The following MINAR2 variants were observed in gnomAD, a reference collection of about 807,000 sequenced individuals.
The protein encoded by MINAR2 is major intrinsically disordered NOTCH2-binding receptor 1-like.
Under a neutral mutation model 16.1 loss-of-function variants are expected in MINAR2, and 21 were observed. That is an observed-to-expected ratio of 1.31 (90% confidence interval 0.93 to 1.88). The LOEUF (loss-of-function observed/expected upper bound fraction) is 1.88, where lower values mean the gene tolerates loss of function less well. MINAR2 is among the 40% of genes most tolerant of loss of function. The pLI, the probability that MINAR2 is intolerant of heterozygous loss-of-function variation, is 0.00. For synonymous variants in MINAR2, 86 were observed against 83.0 expected, an observed-to-expected ratio of 1.04 and a Z score of -0.20; for missense variants, 259 against 229.8, an observed-to-expected ratio of 1.13 and a Z score of -0.82.
At chr5:129,756,934 T>TAAAAAAAAAA (rs34547893) in intron 1 of MINAR2, among the ~76,000 whole-genome samples, 1 of 73,968 alleles carries the variant, frequency 1.4e-5, no homozygotes, top group African/African-American at 5.1e-5. Flanking sequence ...CTTTCCACAG[T>TAAAAAAAAAA]AAAAAAAAAA....
At position 129,761,572 on chromosome 5, in the gene MINAR2, C is replaced by T. The variant is rs1352228518; in HGVS notation, c.393+967C>T. Among the ~76,000 whole-genome samples, 3 of 152,268 alleles carry T rather than the reference C, an allele frequency of 2.0e-5. No homozygotes were observed. In the South Asian group the frequency reaches 6.2e-4, roughly 32 times the overall value. On this transcript the variant is annotated intron_variant, in intron 2 of 2. Transcript: ENST00000564719. ...CTTAGTAGATTGAATGTATCTCCTC[C>T]TTTACGTAGCCCATTTTCCAGAGAA... is the stretch of plus-strand genomic sequence containing the variant.
chr5:129,762,716 A>T (rs1053406937), intron 2 of MINAR2: 1 of 236,512 alleles, frequency 4.2e-6, no homozygotes, highest in African/African-American at 2.3e-5. Context: ...TTTATACAAT[A>T]AAAAGAAGTT....
intron 2 of MINAR2, 72 bp downstream of exon 2, chr5:129,760,677 T>A: frequency 8.4e-7 from 1 of 1,192,934 alleles, no homozygotes. Context: ...AAGAAAGCAA[T>A]ATTGAAGTGA....
chr5:129,748,141 A>G lies in MINAR2; in HGVS notation c.-50A>G. 1 of 1,508,788 alleles carries G rather than the reference A, an allele frequency of 6.6e-7. No homozygotes were observed. Among genetic ancestry groups the G allele is most frequent in the Non-Finnish European group, 8.9e-7 (1 of 1,127,642 alleles). 93.5% of individuals were successfully genotyped at this position (1,508,788 alleles called of 1,614,324 possible). A position where few individuals can be genotyped will look rare whatever the true frequency, so the allele number is the denominator to read the frequency against. Reference sequence around the variant, plus strand: ...GGCACATTAATAATGGAGGAGTCTGACAAGAGCAGCTTTGCCTGTCTTTGT... The same window carrying G: ...GGCACATTAATAATGGAGGAGTCTGGCAAGAGCAGCTTTGCCTGTCTTTGT... On this transcript the variant is annotated 5_prime_UTR_variant, in exon 1 of 3. Transcript: ENST00000564719.
In MINAR2 at chr5:129,756,957, A is replaced by AACAC. The variant is rs57392261; in HGVS notation, c.166-3411_166-3408dup. Among the ~76,000 whole-genome samples, 301 of 132,558 alleles carry AACAC rather than the reference A, an allele frequency of 2.3e-3. 11 individuals are homozygous for AACAC. The highest frequency in any genetic ancestry group is 9.0e-3 in the East Asian group (37 of 4,092). The allele number at this position is 132,558 out of a possible 152,430, so 87.0% of individuals were successfully genotyped here. On this transcript the variant is annotated intron_variant, in intron 1 of 2. Coordinates refer to ENST00000564719, the MANE Select transcript of MINAR2 (RefSeq NM_001257308.2). The stretch of plus-strand genomic sequence containing the variant: ...AGTAAAAAAAAAAAAAAAAAAAAAA[A>AACAC]ACACACACACACAAACATATATGTA...
At position 129,748,341 on chromosome 5, in the gene MINAR2, C is replaced by T. The variant is rs1170184749; in HGVS notation, c.151C>T (p.Leu51Phe). 1.3e-6 allele frequency: 2 copies of T among 1,534,940 alleles called. No individual in the cohort carries two copies. Among genetic ancestry groups the T allele is most frequent in the Non-Finnish European group, 1.7e-6 (2 of 1,146,446 alleles). Residue 51 changes from leucine (L) to phenylalanine (F), a missense_variant, in exon 1 of 3, where the codon CTT becomes TTT. Leu to Phe is a conservative substitution (Grantham distance 22). Transcript: ENST00000564719. Reference protein sequence around the residue: ...NYPAAQHWQNLVYSQREKKNI... With the variant: ...NYPAAQHWQNFVYSQREKKNI... ...TCCTGCTGCACAACACTGGCAAAAC[C>T]TTGTCTACTCACAGGTAAGATCTAG...
At chr5:129,749,783 A>G (rs1026916630) in intron 1 of MINAR2, among the ~76,000 whole-genome samples, 4 of 152,132 alleles carry the variant, frequency 2.6e-5, no homozygotes, top group African/African-American at 9.7e-5. Context: ...AAGTTGACCT[A>G]TTTCCTTCAT....
At position 129,748,360 on chromosome 5, in the gene MINAR2, G is replaced by A. The variant is rs1338803841; in HGVS notation, c.165+5G>A. 1 of 1,531,116 alleles carries A rather than the reference G, an allele frequency of 6.5e-7. No individual in the cohort carries two copies. The highest frequency in any genetic ancestry group is 1.4e-5 in the African/African-American group (1 of 72,916). The allele number at this position is 1,531,116 out of a possible 1,614,324, so 94.8% of individuals were successfully genotyped here. On this transcript the variant is annotated splice_donor_5th_base_variant and intron_variant, in intron 1 of 2. Transcript: ENST00000564719. ...CAAAACCTTGTCTACTCACAGGTAA[G>A]ATCTAGGGGCACAAAAATACGGGGA...
rs1293842716 is a variant in MINAR2 at position 129,765,587 on chromosome 5, C to T, written c.*524C>T. On this transcript the variant is annotated 3_prime_UTR_variant, in exon 3 of 3. Transcript: ENST00000564719. ...TTAGATTCATTCTCTGTTTTATTTT[C>T]CTGTATTTCTGTTTAAGTCAGAAAA... The T allele has an allele frequency of 6.6e-6, 1 of 152,040 alleles. No homozygotes were observed. The highest frequency in any genetic ancestry group is 1.5e-5 in the Non-Finnish European group (1 of 68,030). 9.4% of individuals were successfully genotyped at this position (152,040 alleles called of 1,614,324 possible). A position where few individuals can be genotyped will look rare whatever the true frequency, so the allele number is the denominator to read the frequency against.
In MINAR2 at chr5:129,760,530, A is replaced by G. The variant is rs1300416116; in HGVS notation, c.318A>G (p.Arg106=). Residue 106 remains arginine, a synonymous_variant, in exon 2 of 3, where the codon AGA becomes AGG. Transcript: ENST00000564719. ...DLSLEEAMEE[R]KKNPSWTIEE... ...GTTTGGAGGAAGCTATGGAAGAAAG[A>G]AAAAAGAACCCCTCATGGACCATTG... 2 of 1,535,642 alleles carry G rather than the reference A, an allele frequency of 1.3e-6. No homozygotes were observed. Among genetic ancestry groups the G allele is most frequent in the Admixed American group, 3.9e-5 (2 of 50,974 alleles).
chr5:129,748,321 C>T lies in MINAR2; in HGVS notation c.131C>T (p.Ala44Val), dbSNP rs756992670. The T allele has an allele frequency of 1.5e-5, 23 of 1,535,202 alleles. No individual in the cohort carries two copies. The South Asian group carries it at 2.4e-4, about 16-fold the overall frequency. ...AGGTTTCCGGGTGGAAATTATCCTG[C>T]TGCACAACACTGGCAAAACCTTGTC... ...LVRFPGGNYP[A>V]AQHWQNLVYS... The change falls in exon 1 of 3, where the codon GCT becomes GTT. Residue 44 changes from alanine (A) to valine (V), a missense_variant. Physicochemically the swap from Ala to Val is moderately conservative, Grantham distance 64. Coordinates refer to ENST00000564719, the MANE Select transcript of MINAR2 (RefSeq NM_001257308.2).
intron 1 of MINAR2, among the ~76,000 whole-genome samples, chr5:129,750,267 T>C (rs1375664864): frequency 6.6e-6 from 1 of 152,172 alleles, no homozygotes; most frequent in Non-Finnish European, 1.5e-5. Context: ...GAAATGGCCA[T>C]ATAGAAGTTT....
rs1467904667 is a variant in MINAR2 at position 129,748,187 on chromosome 5, A to G, written c.-4A>G. ...TTTGTTTTCCACTGTAGGTGAAGGG[A>G]GACATGGATCTCTCTGTTTTGCCAA... is the stretch of plus-strand genomic sequence containing the variant. On this transcript the variant is annotated 5_prime_UTR_variant, in exon 1 of 3. Coordinates refer to ENST00000564719, the MANE Select transcript of MINAR2 (RefSeq NM_001257308.2). 3 of 1,534,598 alleles carry G rather than the reference A, an allele frequency of 2.0e-6. No individual in the cohort carries two copies. The highest frequency in any genetic ancestry group is 2.6e-6 in the Non-Finnish European group (3 of 1,146,248).
intron 1 of MINAR2, among the ~76,000 whole-genome samples, chr5:129,753,589 T>C (rs1758014443): frequency 6.6e-6 from 1 of 151,094 alleles, no homozygotes; most frequent in Non-Finnish European, 1.5e-5. Flanking sequence ...CCGTCTCTAC[T>C]AAAGATACAA....
intron 1 of MINAR2, among the ~76,000 whole-genome samples, chr5:129,750,407 T>A (rs376555021): frequency 6.6e-6 from 1 of 152,138 alleles, no homozygotes; most frequent in Non-Finnish European, 1.5e-5. Flanking sequence ...TCACACTCCA[T>A]TGGGGAGTCA....
chr5:129,764,793 C>T (rs1324818512), intron 2 of MINAR2, 91 bp from the exon 3 acceptor site: 1 of 644,122 alleles, frequency 1.6e-6, no homozygotes, highest in Admixed American at 4.2e-5. Flanking sequence ...ACCATCAGTC[C>T]CCATGACAGT....
intron 1 of MINAR2, among the ~76,000 whole-genome samples, chr5:129,754,004 T>C (rs1029721065): frequency 2.0e-5 from 3 of 152,102 alleles, no homozygotes; most frequent in African/African-American, 7.2e-5. Flanking sequence ...ACTAAATTTA[T>C]AGGATTAGGG....
intron 1 of MINAR2, among the ~76,000 whole-genome samples, chr5:129,752,834 C>T (rs933915917): frequency 4.0e-5 from 6 of 151,614 alleles, no homozygotes; most frequent in African/African-American, 1.5e-4. Context: ...AGCAGTTGCA[C>T]GTCAGAATAT....
At chr5:129,749,266 A>G (rs187690367) in intron 1 of MINAR2, among the ~76,000 whole-genome samples, 63 of 152,238 alleles carry the variant, frequency 4.1e-4, no homozygotes, top group Middle Eastern at 3.4e-3. Context: ...AATTCCCTGA[A>G]CAGAAATTTG....
Sources: allele counts gnomAD v4.1 joint callset (sites outside exome capture counted in the v4.1 genomes callset), GRCh38; gene constraint gnomAD v4.1.1; transcripts MANE v1.5; gene names NCBI Gene and HGNC (gene_info 2026-07-23, HGNC 2026-07-21).